Variants in C3orf49 observed in about 807,000 individuals in gnomAD.
C3orf49 encodes chromosome 3 open reading frame 49.
In C3orf49, 27 loss-of-function variants were observed where a neutral mutation model predicts 13.3. The observed-to-expected ratio is 2.02, with a 90% CI of 1.49 to 2.79. The LOEUF (loss-of-function observed/expected upper bound fraction) is 2.79. C3orf49 is among the 30% of genes most tolerant of loss of function. C3orf49 has a pLI of 0.00. For synonymous variants in C3orf49, 87 were observed against 47.6 expected, an observed-to-expected ratio of 1.83 and a Z score of -3.40; for missense variants, 242 against 134.2, an observed-to-expected ratio of 1.80 and a Z score of -3.97.
At chr3:63,803,616 G>C in the C3orf49 span, among the ~76,000 whole-genome samples, 1 of 152,146 alleles carries the variant, frequency 6.6e-6, no homozygotes, top group Admixed American at 6.5e-5. Flanking sequence ...CACGTGCCAT[G>C]GGGACCATGT....
chr3:63,787,729 C>G, the C3orf49 span, among the ~76,000 whole-genome samples: 1 of 152,082 alleles, frequency 6.6e-6, no homozygotes, highest in African/African-American at 2.4e-5. Flanking sequence ...AACTTAGATT[C>G]TTTTTCTGTT....
chr3:63,830,921 G>A (rs1304870073), intron 3 of C3orf49, among the ~76,000 whole-genome samples, 189 bp from the exon 4 acceptor site: 1 of 152,168 alleles, frequency 6.6e-6, no homozygotes, highest in African/African-American at 2.4e-5. Flanking sequence ...TTCAAAGAGA[G>A]CTCTGGGCAC....
chr3:63,819,012 C>T (rs1183644725), upstream of C3orf49, among the ~76,000 whole-genome samples: 2 of 152,314 alleles, frequency 1.3e-5, no homozygotes, highest in South Asian at 2.1e-4. Flanking sequence ...ATCAGCGTAT[C>T]GTTGGTATTC....
chr3:63,805,800 A>G, the C3orf49 span, among the ~76,000 whole-genome samples: 1 of 152,182 alleles, frequency 6.6e-6, no homozygotes, highest in Non-Finnish European at 1.5e-5. Context: ...GGGAAATAGT[A>G]TCTCTATTAC....
At chr3:63,825,159 C>A (rs1172228695) in intron 2 of C3orf49, among the ~76,000 whole-genome samples, 3 of 152,128 alleles carry the variant, frequency 2.0e-5, no homozygotes, top group Non-Finnish European at 4.4e-5. Context: ...ACCATAATTT[C>A]ACTGCTCTAT....
At chr3:63,791,133 G>T in the C3orf49 span, among the ~76,000 whole-genome samples, 3 of 152,174 alleles carry the variant, frequency 2.0e-5, no homozygotes, top group Non-Finnish European at 4.4e-5. Flanking sequence ...GGAAGCAGAA[G>T]CACATTGAAA....
chr3:63,780,809 G>A, the C3orf49 span, among the ~76,000 whole-genome samples: 2 of 152,166 alleles, frequency 1.3e-5, no homozygotes, highest in Non-Finnish European at 1.5e-5. Context: ...GTATGTTCAT[G>A]TCCTTCACCC....
upstream of C3orf49, among the ~76,000 whole-genome samples, chr3:63,815,190 C>T (rs1191834099): frequency 1.3e-5 from 2 of 152,200 alleles, no homozygotes; most frequent in Non-Finnish European, 2.9e-5. Context: ...CTGGCAATTA[C>T]ATTTCAATAT....
At chr3:63,788,119 T>C in the C3orf49 span, among the ~76,000 whole-genome samples, 2 of 152,132 alleles carry the variant, frequency 1.3e-5, no homozygotes, top group Non-Finnish European at 2.9e-5. Flanking sequence ...TTAGCATCAT[T>C]GATAATAAAA....
At chr3:63,813,341 C>T in the C3orf49 span, among the ~76,000 whole-genome samples, 2 of 152,186 alleles carry the variant, frequency 1.3e-5, no homozygotes, top group Non-Finnish European at 2.9e-5. Flanking sequence ...AAAGAGCTTA[C>T]TCCCATTGAT....
At chr3:63,793,645 C>T in the C3orf49 span, among the ~76,000 whole-genome samples, 5 of 151,876 alleles carry the variant, frequency 3.3e-5, no homozygotes, top group South Asian at 2.1e-4. Flanking sequence ...TCTTGATTAT[C>T]GTTTTAAAAT....
intron 1 of C3orf49, among the ~76,000 whole-genome samples, chr3:63,820,120 AAATAT>A (rs1191642036): frequency 6.6e-6 from 1 of 152,156 alleles, no homozygotes; most frequent in Non-Finnish European, 1.5e-5. Flanking sequence ...GAAACATCCA[AAATAT>A]AATATATTTT....
At chr3:63,836,178 T>A (rs1033822155) in intron 5 of C3orf49, 31 of 825,920 alleles carry the variant, frequency 3.8e-5, no homozygotes, top group Middle Eastern at 5.8e-4. Context: ...GAAAATATAA[T>A]ATTGAATATC....
chr3:63,833,272 T>G (rs1347526865), intron 5 of C3orf49, among the ~76,000 whole-genome samples: 1 of 151,850 alleles, frequency 6.6e-6, no homozygotes, highest in Non-Finnish European at 1.5e-5. Flanking sequence ...AATTTTGTAT[T>G]TTTTTTAGTA....
intron 1 of C3orf49, among the ~76,000 whole-genome samples, chr3:63,820,074 T>C (rs1161212071): frequency 6.6e-6 from 1 of 152,144 alleles, no homozygotes; most frequent in East Asian, 1.9e-4. Flanking sequence ...AGACTTGCTA[T>C]TTTTTTGCCA....
the C3orf49 span, among the ~76,000 whole-genome samples, chr3:63,783,810 T>C: frequency 2.0e-5 from 3 of 151,956 alleles, no homozygotes; most frequent in African/African-American, 7.3e-5. Flanking sequence ...ATGGATGAGA[T>C]CTGCAGCACT....
chr3:63,842,615 A>G (rs968123984), intron 5 of C3orf49, among the ~76,000 whole-genome samples: 1 of 152,158 alleles, frequency 6.6e-6, no homozygotes, highest in African/African-American at 2.4e-5. Context: ...ATCAAATACC[A>G]TATGTTCTCA....
At chr3:63,839,671 C>G in intron 5 of C3orf49, 1 of 1,611,852 alleles carries the variant, frequency 6.2e-7, no homozygotes, top group South Asian at 1.1e-5. Flanking sequence ...TTCCTGGGAC[C>G]CAGAGTTGCA....
chr3:63,782,199 T>A, the C3orf49 span, among the ~76,000 whole-genome samples: 6 of 152,206 alleles, frequency 3.9e-5, no homozygotes, highest in African/African-American at 1.4e-4. Flanking sequence ...GCACTAACAC[T>A]TTATTCTATT....
Sources: allele counts gnomAD v4.1 joint callset (sites outside exome capture counted in the v4.1 genomes callset), GRCh38; gene constraint gnomAD v4.1.1; transcripts MANE v1.5; gene names NCBI Gene and HGNC (gene_info 2026-07-23, HGNC 2026-07-21).